Variants in KALRN observed in about 807,000 individuals in gnomAD.
KALRN encodes the protein kalirin.
Under a neutral mutation model 353.7 loss-of-function variants are expected in KALRN, and 70 were observed. That is an observed-to-expected ratio of 0.20 (90% CI 0.16 to 0.24). The LOEUF (loss-of-function observed/expected upper bound fraction) is 0.24, where lower values mean the gene tolerates loss of function less well. KALRN is among the 10% of genes least tolerant of loss of function. KALRN has a pLI of 1.00. For missense variants in KALRN, 2,791 were observed against 3,756.7 expected, an observed-to-expected ratio of 0.74 and a Z score of 6.72; for synonymous variants, 1,391 against 1,434.8, an observed-to-expected ratio of 0.97 and a Z score of 0.69.
intron 3 of KALRN, among the ~76,000 whole-genome samples, chr3:124,237,768 C>T (rs1395258797): frequency 6.6e-6 from 1 of 152,140 alleles, no homozygotes; most frequent in Non-Finnish European, 1.5e-5. Context: ...AACAGGAACA[C>T]ACATTTTGAG....
intron 19 of KALRN, 113 bp from the exon 20 acceptor site, chr3:124,446,048 G>A: frequency 1.6e-6 from 1 of 634,032 alleles, no homozygotes; most frequent in South Asian, 2.0e-5. Flanking sequence ...AGTCTCATGG[G>A]GATGCTTGAA....
rs543501069 is a variant in KALRN, at chr3:124,605,419, A to G, written c.5183-27001A>G. On this transcript the variant is annotated intron_variant, in intron 34 of 59. Transcript: ENST00000682506. The stretch of plus-strand genomic sequence containing the variant: ...GAAACCCCATCTCTACTAAAAGTAC[A>G]AAAATTAGCCAGGCATGGTGGCACA... 1.4e-4 allele frequency among the ~76,000 whole-genome samples: 21 copies of G among 152,002 alleles called. No individual in the cohort carries two copies. In the East Asian group the frequency reaches 3.7e-3, roughly 27 times the overall value.
chr3:124,172,588 G>T (rs561636221), intron 1 of KALRN, among the ~76,000 whole-genome samples: 9 of 152,188 alleles, frequency 5.9e-5, no homozygotes, highest in South Asian at 4.2e-4. Context: ...TTTCTTATCT[G>T]TACCCTAGCA....
intron 5 of KALRN, among the ~76,000 whole-genome samples, chr3:124,276,955 ATGCACACACACATGTGTGCACACG>A (rs1226154073): frequency 2.6e-4 from 39 of 152,244 alleles, no homozygotes; most frequent in Admixed American, 1.9e-3. Flanking sequence ...ACATGTGCGC[ATGCACACACACATGTGTGCACACG>A]TGCACACACA....
intron 33 of KALRN, among the ~76,000 whole-genome samples, chr3:124,521,764 G>A (rs2067182340): frequency 6.6e-6 from 1 of 152,198 alleles, no homozygotes; most frequent in South Asian, 2.1e-4. Flanking sequence ...AGGCTCCCAT[G>A]CTGTAGCGAC....
intron 34 of KALRN, among the ~76,000 whole-genome samples, chr3:124,575,989 G>T (rs1446353954): frequency 6.6e-6 from 1 of 151,968 alleles, no homozygotes; most frequent in Non-Finnish European, 1.5e-5. Flanking sequence ...TGACCAGCCT[G>T]CCTCACTGAG....
At chr3:124,380,203 T>G (rs1229150132) in intron 10 of KALRN, among the ~76,000 whole-genome samples, 5 of 152,244 alleles carry the variant, frequency 3.3e-5, no homozygotes, top group Non-Finnish European at 5.9e-5. Flanking sequence ...TTAAAAAGCC[T>G]GCTTCCTGCT....
intron 34 of KALRN, among the ~76,000 whole-genome samples, chr3:124,594,934 C>CT (rs1339725100): frequency 6.6e-6 from 1 of 151,730 alleles, no homozygotes; most frequent in South Asian, 2.1e-4. Context: ...TTTTTCTTTC[C>CT]TTTTTTCTTT....
intron 34 of KALRN, among the ~76,000 whole-genome samples, chr3:124,568,807 G>A (rs1604298): frequency 0.19 from 29,354 of 152,106 alleles, 3,679 homozygotes; most frequent in East Asian, 0.48. Context: ...TTTAGATGTA[G>A]AAAGAATGAT....
In KALRN at chr3:124,633,878, G is replaced by A; in HGVS notation, c.5493G>A (p.Glu1831=). 1.2e-6 allele frequency: 2 copies of A among 1,613,996 alleles called. No homozygotes were observed. Among genetic ancestry groups the A allele is most frequent in the Non-Finnish European group, 1.7e-6 (2 of 1,179,966 alleles). The change falls in exon 36 of 60, where the codon GAG becomes GAA. Residue 1831 remains glutamate, a synonymous_variant. Transcript: ENST00000682506. ...GCAAGAAAGGTTGGGGTGAAGATGA[G>A]CCGGATGAAGAGTCACACACACCCC... The part of the protein sequence containing the change: ...DESKKGWGED[E]PDEESHTPLP...
At chr3:124,707,504 C>T (rs1396672401) in intron 57 of KALRN, among the ~76,000 whole-genome samples, 7 of 150,830 alleles carry the variant, frequency 4.6e-5, no homozygotes, top group African/African-American at 1.7e-4. Flanking sequence ...TTTCTTCTTT[C>T]CTCTTTTCTC....
chr3:124,715,749 A>C (rs1424460048), intron 58 of KALRN, among the ~76,000 whole-genome samples: 1 of 152,224 alleles, frequency 6.6e-6, no homozygotes, highest in African/African-American at 2.4e-5. Context: ...GCTCCTCTGC[A>C]TGGGCATTTC....
chr3:124,439,187 T>G, intron 18 of KALRN, 150 bp downstream of exon 18: 1 of 480,300 alleles, frequency 2.1e-6, no homozygotes. Flanking sequence ...CTTCTTCTCC[T>G]TCTCTCTCTC....
chr3:124,268,948 A>G lies in KALRN; in HGVS notation c.662A>G (p.Asp221Gly), dbSNP rs1395880205. The G allele has an allele frequency of 6.2e-7, 1 of 1,613,898 alleles. No homozygotes were observed. The highest frequency in any genetic ancestry group is 8.5e-7 in the Non-Finnish European group (1 of 1,179,946). ...EMLARKEFPV[D>G]VEGSRRLIDE... ...CTAGCCCGGAAGGAGTTTCCTGTGG[A>G]TGTGGAGGGCTCTCGGCGGCTCATT... Residue 221 changes from aspartate (D) to glycine (G), a missense_variant, in exon 5 of 60, where the codon GAT (aspartate) becomes GGT (glycine). Around this residue, in one of 11 missense-constraint regions of KALRN, gnomAD observed 366 missense variants for 489.2 expected, o/e 0.75. Transcript: ENST00000682506.
intron 33 of KALRN, among the ~76,000 whole-genome samples, chr3:124,504,064 G>A (rs774695890): frequency 7.2e-5 from 11 of 152,282 alleles, no homozygotes; most frequent in Admixed American, 5.9e-4. Flanking sequence ...AAGTGCTCTC[G>A]TGGTACTCAG....
At chr3:124,036,648 A>G (rs2039450888) in intron 1 of KALRN, among the ~76,000 whole-genome samples, 1 of 152,206 alleles carries the variant, frequency 6.6e-6, no homozygotes, top group African/African-American at 2.4e-5. Flanking sequence ...TAGATTATAA[A>G]TGTATTCTAT....
At chr3:124,502,439 C>A (rs1357043070) in intron 33 of KALRN, among the ~76,000 whole-genome samples, 1 of 152,020 alleles carries the variant, frequency 6.6e-6, no homozygotes, top group African/African-American at 2.4e-5. Flanking sequence ...ACATGGGTGC[C>A]CTGGCAAGAA....
chr3:124,481,529 T>C (rs2061985862), intron 27 of KALRN, among the ~76,000 whole-genome samples: 1 of 152,186 alleles, frequency 6.6e-6, no homozygotes. Context: ...TTAAGATCTG[T>C]GATGCTTTAC....
At chr3:124,364,795 G>T (rs766682603) in intron 10 of KALRN, among the ~76,000 whole-genome samples, 5 of 152,154 alleles carry the variant, frequency 3.3e-5, no homozygotes, top group Non-Finnish European at 7.4e-5. Context: ...GAGGACTGCA[G>T]CTGGGGTCTC....
Sources: allele counts gnomAD v4.1 joint callset (sites outside exome capture counted in the v4.1 genomes callset), GRCh38; gene constraint gnomAD v4.1.1; regional missense constraint gnomAD v4.1.1; transcripts MANE v1.5; gene names NCBI Gene and HGNC (gene_info 2026-07-23, HGNC 2026-07-21).